BEND6: variants seen among roughly 807,000 people sequenced by gnomAD.
BEND6 encodes BEN domain-containing protein 6.
Under a neutral mutation model 31.8 loss-of-function variants are expected in BEND6, and 24 were observed. The observed-to-expected ratio is 0.75, with a 90% CI of 0.55 to 1.06. The LOEUF (loss-of-function observed/expected upper bound fraction) is 1.06, where lower values mean the gene tolerates loss of function less well. Ranked by LOEUF, BEND6 falls within the 50% of genes least tolerant of loss-of-function variation. The pLI, the probability that BEND6 is intolerant of heterozygous loss-of-function variation, is 0.00. For missense variants in BEND6, 294 were observed against 327.4 expected, an observed-to-expected ratio of 0.90 and a Z score of 0.79; for synonymous variants, 109 against 114.6, an observed-to-expected ratio of 0.95 and a Z score of 0.31.
intron 2 of BEND6, among the ~76,000 whole-genome samples, chr6:56,982,699 C>T (rs578156440): frequency 4.6e-4 from 70 of 151,914 alleles, no homozygotes; most frequent in Non-Finnish European, 8.7e-4. Context: ...TAAAGGTAAA[C>T]GGTGAAAAGT....
At chr6:56,994,512 G>T (rs184176888) in intron 3 of BEND6, among the ~76,000 whole-genome samples, 2 of 146,346 alleles carry the variant, frequency 1.4e-5, no homozygotes, top group East Asian at 4.0e-4. Flanking sequence ...TGTAGACCTT[G>T]GTGTGAAGCC....
rs553868725 is a variant in BEND6, at chr6:56,957,625, C to CA, written c.-101+2173dup. On this transcript the variant is annotated intron_variant, in intron 1 of 6. Coordinates refer to ENST00000370746, the MANE Select transcript of BEND6 (RefSeq NM_152731.3). The stretch of plus-strand genomic sequence containing the variant: ...ATTGACATTGTATAAAAGTCACACA[C>CA]AAAAAAAATTGTTAAGTTTGAGGAT... 2.3e-3 allele frequency among the ~76,000 whole-genome samples: 348 copies of CA among 151,896 alleles called. 4 individuals carry two copies. The highest frequency in any genetic ancestry group is 7.5e-3 in the African/African-American group (310 of 41,404).
At chr6:56,967,219 T>G (rs982119804) in intron 1 of BEND6, among the ~76,000 whole-genome samples, 1 of 152,238 alleles carries the variant, frequency 6.6e-6, no homozygotes, top group East Asian at 1.9e-4. Flanking sequence ...CCACTAAAAT[T>G]AGGATGATTT....
intron 6 of BEND6, among the ~76,000 whole-genome samples, chr6:57,020,234 G>T (rs1827694510): frequency 6.6e-6 from 1 of 150,938 alleles, no homozygotes; most frequent in South Asian, 2.1e-4. Context: ...TTGACATGAG[G>T]TTACCCACCC....
rs137869688 is a variant in BEND6, at chr6:57,020,553, T to C, written c.*9+1996T>C. On this transcript the variant is annotated intron_variant, in intron 6 of 6. Coordinates refer to ENST00000370746, the MANE Select transcript of BEND6 (RefSeq NM_152731.3). ...CTCCCGCCTCAGCCTCCCGAGCAGC[T>C]GGGACTACAGGCCCGCGCCACCACA... Among the ~76,000 whole-genome samples, 239 of 152,300 alleles carry C rather than the reference T, an allele frequency of 1.6e-3. 3 individuals carry two copies. In the East Asian group the frequency reaches 0.043, roughly 27 times the overall value.
rs1489898311 is a variant in BEND6 at position 57,005,446 on chromosome 6, C to T, written c.299-9687C>T. Reference sequence around the variant, plus strand: ...ATCCCAGCACTTTGGGAGGCCAAGGCGGGTGGACCACCTGAGGTCAAGAGT... The same window carrying T: ...ATCCCAGCACTTTGGGAGGCCAAGGTGGGTGGACCACCTGAGGTCAAGAGT... On this transcript the variant is annotated intron_variant, in intron 3 of 6. Coordinates refer to ENST00000370746, the MANE Select transcript of BEND6 (RefSeq NM_152731.3). Among the ~76,000 whole-genome samples, 14 of 152,104 alleles carry T rather than the reference C, an allele frequency of 9.2e-5. 2 individuals are homozygous for T. The South Asian group carries it at 2.5e-3, about 27-fold the overall frequency.
chr6:57,001,964 G>A (rs1715020110), intron 3 of BEND6, among the ~76,000 whole-genome samples: 1 of 152,126 alleles, frequency 6.6e-6, no homozygotes, highest in South Asian at 2.1e-4. Flanking sequence ...ATTTAAAAAA[G>A]CAAGTAGACC....
chr6:56,971,339 A>G (rs1825681425), intron 1 of BEND6, among the ~76,000 whole-genome samples: 1 of 152,188 alleles, frequency 6.6e-6, no homozygotes, highest in South Asian at 2.1e-4. Flanking sequence ...CTATTACATT[A>G]TATGTATCTG....
At chr6:56,956,144 T>A (rs1824906382) in intron 1 of BEND6, among the ~76,000 whole-genome samples, 1 of 152,256 alleles carries the variant, frequency 6.6e-6, no homozygotes, top group Non-Finnish European at 1.5e-5. Context: ...GGATTGTTTG[T>A]TTCATTTACT....
intron 3 of BEND6, among the ~76,000 whole-genome samples, chr6:57,003,476 G>C (rs1827020726): frequency 6.6e-6 from 1 of 152,050 alleles, no homozygotes; most frequent in Non-Finnish European, 1.5e-5. Flanking sequence ...ACTATAGCCT[G>C]GGTGACAGAG....
Position 56,981,935 on chromosome 6 carries a change from G to T in BEND6, c.120+5G>T. On this transcript the variant is annotated splice_donor_5th_base_variant and intron_variant, in intron 2 of 6. Transcript: ENST00000370746. ...AGTGACATGGATAAAGGACAGGTTG[G>T]TTTTTTGTTACCTTGACTCAACTTT... 6.2e-7 allele frequency: 1 copy of T among 1,600,208 alleles called. No homozygotes were observed. The highest frequency in any genetic ancestry group is 1.1e-5 in the South Asian group (1 of 87,468).
Position 57,004,782 on chromosome 6 carries a change from C to T in BEND6, c.299-10351C>T, listed in dbSNP as rs1362133040. On this transcript the variant is annotated intron_variant, in intron 3 of 6. Coordinates refer to ENST00000370746, the MANE Select transcript of BEND6 (RefSeq NM_152731.3). The stretch of plus-strand genomic sequence containing the variant: ...ATCACCTGAATGAGCAGGTGAAATC[C>T]ATCAAAGAATTGGGTGACCAATTAG... 3 of 971,478 alleles carry T rather than the reference C, an allele frequency of 3.1e-6. No individual in the cohort carries two copies. In the Admixed American group the frequency reaches 5.1e-5, roughly 17 times the overall value. 60.2% of individuals were successfully genotyped at this position (971,478 alleles called of 1,614,324 possible). A position where few individuals can be genotyped will look rare whatever the true frequency, so the allele number is the denominator to read the frequency against.
intron 3 of BEND6, among the ~76,000 whole-genome samples, chr6:56,995,566 G>C (rs1413383971): frequency 6.6e-6 from 1 of 152,142 alleles, no homozygotes; most frequent in East Asian, 1.9e-4. Context: ...CCCCCTGCAG[G>C]TGCTAGGAAT....
At chr6:56,979,535 T>TA (rs1825998584) in intron 1 of BEND6, among the ~76,000 whole-genome samples, 1 of 152,244 alleles carries the variant, frequency 6.6e-6, no homozygotes, top group Non-Finnish European at 1.5e-5. Context: ...AGGAAATACG[T>TA]AAAATCTCAT....
chr6:56,989,443 A>G lies in BEND6; in HGVS notation c.121-2935A>G, dbSNP rs374912602. Among the ~76,000 whole-genome samples, 21 of 152,328 alleles carry G rather than the reference A, an allele frequency of 1.4e-4. No individual in the cohort carries two copies. The East Asian group carries it at 3.7e-3, about 27-fold the overall frequency. ...AGTGTTATGGAAAGTCTTAGACTAC[A>G]AATACTGAAAGTTTCTCTTATGTAT... On this transcript the variant is annotated intron_variant, in intron 2 of 6. Transcript: ENST00000370746.
intron 6 of BEND6, among the ~76,000 whole-genome samples, chr6:57,022,070 G>T (rs1484244866): frequency 6.6e-6 from 1 of 151,158 alleles, no homozygotes; most frequent in Non-Finnish European, 1.5e-5. Flanking sequence ...TTTTTTTGTT[G>T]TGCCCTTCTC....
At chr6:57,005,012 C>T (rs1268218310) in intron 3 of BEND6, among the ~76,000 whole-genome samples, 1 of 152,124 alleles carries the variant, frequency 6.6e-6, no homozygotes, top group Non-Finnish European at 1.5e-5. Flanking sequence ...CACATTATTG[C>T]TTAAAACAGT....
chr6:57,015,326 G>A lies in BEND6; in HGVS notation c.492G>A (p.Glu164=), dbSNP rs1827509121. ...NSSSPVSLKP[E]EEHQTDEKQF... ...GTTCACCAGTTTCCTTAAAGCCTGA[G>A]GAAGAGCATCAGACTGATGAGAAAC... is the stretch of plus-strand genomic sequence containing the variant. Residue 164 remains glutamate (E), a synonymous_variant, in exon 4 of 7, where the codon GAG becomes GAA. Coordinates refer to ENST00000370746, the MANE Select transcript of BEND6 (RefSeq NM_152731.3). 1.2e-6 allele frequency: 2 copies of A among 1,613,774 alleles called. No individual in the cohort carries two copies. Among genetic ancestry groups the A allele is most frequent in the Non-Finnish European group, 1.7e-6 (2 of 1,179,856 alleles).
intron 3 of BEND6, among the ~76,000 whole-genome samples, chr6:57,002,462 G>A (rs1293388930): frequency 6.6e-6 from 1 of 152,090 alleles, no homozygotes; most frequent in Non-Finnish European, 1.5e-5. Flanking sequence ...CACATGCCTG[G>A]CCACAGAGCA....
Sources: allele counts gnomAD v4.1 joint callset (sites outside exome capture counted in the v4.1 genomes callset), GRCh38; gene constraint gnomAD v4.1.1; transcripts MANE v1.5; gene names NCBI Gene and HGNC (gene_info 2026-07-23, HGNC 2026-07-21).